JARID2: variants seen among roughly 807,000 people sequenced by gnomAD.
JARID2 encodes jumonji and AT-rich interaction domain containing 2.
In JARID2, 21 loss-of-function variants were observed where a neutral mutation model predicts 125.6. The ratio of observed to expected loss-of-function variants is 0.17; its 90% CI spans 0.12 to 0.24. The LOEUF is 0.24. Ranked by LOEUF, JARID2 falls within the 10% of genes least tolerant of loss-of-function variation. JARID2 has a pLI of 1.00. For missense variants in JARID2, 1,303 were observed against 1,639.6 expected, an observed-to-expected ratio of 0.79 and a Z score of 3.55; for synonymous variants, 736 against 661.6, an observed-to-expected ratio of 1.11 and a Z score of -1.73.
intron 5 of JARID2, among the ~76,000 whole-genome samples, chr6:15,475,330 A>G (rs967318998): frequency 6.6e-6 from 1 of 152,246 alleles, no homozygotes; most frequent in Non-Finnish European, 1.5e-5. Flanking sequence ...CTGCAGGTGC[A>G]GGTGCTGTCA....
intron 1 of JARID2, among the ~76,000 whole-genome samples, chr6:15,277,138 C>G (rs1236111705): frequency 3.3e-5 from 5 of 152,142 alleles, no homozygotes; most frequent in Admixed American, 2.0e-4. Context: ...TTCTCACACA[C>G]TTTTGCAAAG....
At chr6:15,442,596 T>C (rs1267488285) in intron 3 of JARID2, among the ~76,000 whole-genome samples, 1 of 152,222 alleles carries the variant, frequency 6.6e-6, no homozygotes, top group Non-Finnish European at 1.5e-5. Context: ...GTTGTATCCC[T>C]CATAACAACG....
At chr6:15,387,530 C>T (rs1764832679) in intron 2 of JARID2, among the ~76,000 whole-genome samples, 1 of 152,096 alleles carries the variant, frequency 6.6e-6, no homozygotes, top group Non-Finnish European at 1.5e-5. Context: ...ACCTTATTTA[C>T]CCTCGATCAC....
chr6:15,397,745 T>C (rs1263659146), intron 2 of JARID2, among the ~76,000 whole-genome samples: 3 of 152,234 alleles, frequency 2.0e-5, no homozygotes, highest in African/African-American at 7.2e-5. Flanking sequence ...CCATTCAACT[T>C]GTAAATTTGA....
chr6:15,315,221 T>C (rs1762139635), intron 1 of JARID2, among the ~76,000 whole-genome samples: 1 of 152,220 alleles, frequency 6.6e-6, no homozygotes, highest in Non-Finnish European at 1.5e-5. Flanking sequence ...TATAAGTGAA[T>C]TGATTCTGCC....
At chr6:15,400,870 G>A in intron 2 of JARID2, 1 of 1,286,590 alleles carries the variant, frequency 7.8e-7, no homozygotes, top group Non-Finnish European at 1.0e-6. Context: ...GTGCTCCGGA[G>A]CCTGCCTCAC....
chr6:15,358,360 A>G (rs569179139), intron 1 of JARID2, among the ~76,000 whole-genome samples: 16 of 152,302 alleles, frequency 1.1e-4, no homozygotes, highest in South Asian at 1.0e-3. Context: ...GGTTTTTCCA[A>G]TATCTCCTTT....
intron 1 of JARID2, among the ~76,000 whole-genome samples, chr6:15,278,479 G>A (rs969621407): frequency 2.6e-5 from 4 of 151,608 alleles, no homozygotes; most frequent in Non-Finnish European, 4.4e-5. Context: ...CCAGCTACTC[G>A]GGAAGCTGAG....
chr6:15,504,557 T>C lies in JARID2; in HGVS notation c.2506T>C (p.Cys836Arg), dbSNP rs375843450. 3.1e-6 allele frequency: 5 copies of C among 1,614,006 alleles called. No individual in the cohort carries two copies. In the African/African-American group the frequency reaches 6.7e-5, roughly 22 times the overall value. ...YRTARNIMSM[C>R]FSKEPAPAEI... ...AACAGCGAGGAATATCATGAGCATG[T>C]GTTTCAGCAAGGAGCCTGCCCCAGC... Residue 836 changes from cysteine (C) to arginine (R), a missense_variant, in exon 9 of 18, where the codon TGT becomes CGT. Coordinates refer to ENST00000341776, the MANE Select transcript of JARID2 (RefSeq NM_004973.4).
chr6:15,387,572 A>G (rs1764836727), intron 2 of JARID2, among the ~76,000 whole-genome samples: 1 of 152,072 alleles, frequency 6.6e-6, no homozygotes, highest in Non-Finnish European at 1.5e-5. Context: ...TAGAGCTTCA[A>G]CAGAAGACTT....
Position 15,497,187 on chromosome 6 carries a change from G to T in JARID2, c.1945+17G>T, listed in dbSNP as rs1180314153. Reference sequence around the variant, plus strand: ...CGCTCATAGGTAGGTCTGGGCGGGGGGTCAGGGGGTGGTGCCTGCCCTCCT... The same window carrying T: ...CGCTCATAGGTAGGTCTGGGCGGGGTGTCAGGGGGTGGTGCCTGCCCTCCT... On this transcript the variant is annotated intron_variant, in intron 7 of 17. Coordinates refer to ENST00000341776, the MANE Select transcript of JARID2 (RefSeq NM_004973.4). The T allele has an allele frequency of 2.6e-6, 4 of 1,524,656 alleles. No individual in the cohort carries two copies. Among genetic ancestry groups the T allele is most frequent in the Admixed American group, 4.0e-5 (2 of 49,772 alleles). The allele number at this position is 1,524,656 out of a possible 1,614,324, so 94.4% of individuals were successfully genotyped here.
intron 1 of JARID2, among the ~76,000 whole-genome samples, chr6:15,363,249 A>G (rs906508709): frequency 2.0e-5 from 3 of 152,322 alleles, no homozygotes; most frequent in South Asian, 2.1e-4. Flanking sequence ...AATAGGCTGC[A>G]TGTCTGCTGT....
chr6:15,256,044 A>G (rs1759651343), intron 1 of JARID2, among the ~76,000 whole-genome samples: 1 of 152,152 alleles, frequency 6.6e-6, no homozygotes, highest in Non-Finnish European at 1.5e-5. Context: ...TATTTCATGC[A>G]CTTCACAGGC....
intron 3 of JARID2, among the ~76,000 whole-genome samples, chr6:15,450,525 G>C (rs1285144741): frequency 1.3e-5 from 2 of 152,114 alleles, no homozygotes; most frequent in African/African-American, 2.4e-5. Flanking sequence ...TCCATCCTAC[G>C]TAGTGTTTGG....
intron 1 of JARID2, among the ~76,000 whole-genome samples, chr6:15,343,630 G>C (rs1021694411): frequency 1.9e-4 from 29 of 152,106 alleles, no homozygotes; most frequent in African/African-American, 4.8e-4. Flanking sequence ...AAGGGCAGCC[G>C]GTATCCTGTC....
intron 1 of JARID2, among the ~76,000 whole-genome samples, chr6:15,308,092 G>A (rs1444138534): frequency 6.6e-6 from 1 of 152,182 alleles, no homozygotes; most frequent in South Asian, 2.1e-4. Context: ...CTGAAAGGGT[G>A]CAGGGAATAC....
At chr6:15,289,314 G>A (rs1352312175) in intron 1 of JARID2, among the ~76,000 whole-genome samples, 1 of 152,232 alleles carries the variant, frequency 6.6e-6, no homozygotes, top group African/African-American at 2.4e-5. Flanking sequence ...GTAGTCTGGT[G>A]TCCTTCTTTT....
intron 1 of JARID2, among the ~76,000 whole-genome samples, chr6:15,297,449 TAA>T (rs1385955609): frequency 1.3e-5 from 2 of 151,478 alleles, no homozygotes; most frequent in East Asian, 3.9e-4. Context: ...TGTGTTTTTA[TAA>T]GTCAGGGTCC....
chr6:15,306,470 G>T (rs1761832011), intron 1 of JARID2, among the ~76,000 whole-genome samples: 1 of 151,638 alleles, frequency 6.6e-6, no homozygotes, highest in Non-Finnish European at 1.5e-5. Context: ...GAGTAGCTGG[G>T]ATTACAAACG....
Sources: allele counts gnomAD v4.1 joint callset (sites outside exome capture counted in the v4.1 genomes callset), GRCh38; gene constraint gnomAD v4.1.1; transcripts MANE v1.5; gene names NCBI Gene and HGNC (gene_info 2026-07-23, HGNC 2026-07-21).